The following GPHN variants were observed in gnomAD, a reference collection of about 807,000 sequenced individuals.
GPHN encodes gephyrin.
Under a neutral mutation model 95.5 loss-of-function variants are expected in GPHN, and 17 were observed. That is an observed-to-expected ratio of 0.18 (90% CI 0.12 to 0.27). The LOEUF (loss-of-function observed/expected upper bound fraction) is 0.27, where lower values mean the gene tolerates loss of function less well. GPHN is among the 10% of genes least tolerant of loss of function. The pLI is 1.00. For synonymous variants in GPHN, 320 were observed against 322.5 expected, an observed-to-expected ratio of 0.99 and a Z score of 0.08; for missense variants, 660 against 978.1, an observed-to-expected ratio of 0.67 and a Z score of 4.34.
chr14:67,624,773 CTT>C, the GPHN span, among the ~76,000 whole-genome samples: 1 of 152,212 alleles, frequency 6.6e-6, no homozygotes, highest in East Asian at 1.9e-4. Flanking sequence ...TCAGAATCAG[CTT>C]TTTCAGAACT....
chr14:66,785,911 G>A (rs1015204366), intron 3 of GPHN, among the ~76,000 whole-genome samples: 1 of 152,022 alleles, frequency 6.6e-6, no homozygotes, highest in Non-Finnish European at 1.5e-5. Flanking sequence ...GCAGGGCTGA[G>A]AGGAAAAATT....
In GPHN at chr14:66,673,124, G is replaced by C. The variant is rs1435497488; in HGVS notation, c.65-7983G>C. Among the ~76,000 whole-genome samples the C allele has an allele frequency of 2.6e-5, 4 of 151,898 alleles. No individual in the cohort carries two copies. The East Asian group carries it at 7.7e-4, about 29-fold the overall frequency. ...TATTATTTTTTTGAGACAGAGTCTG[G>C]CTCTGTCTCCCGGGCTGGAGTACAG... is the stretch of plus-strand genomic sequence containing the variant. On this transcript the variant is annotated intron_variant, in intron 1 of 22. Coordinates refer to ENST00000478722, the MANE Select transcript of GPHN (RefSeq NM_020806.5).
intron 1 of GPHN, among the ~76,000 whole-genome samples, chr14:66,635,413 C>G (rs2064042906): frequency 6.6e-6 from 1 of 152,060 alleles, no homozygotes; most frequent in Non-Finnish European, 1.5e-5. Flanking sequence ...TACTTTGAAA[C>G]TTTGAAAGAT....
At chr14:67,199,552 G>A in the GPHN span, 1 of 1,605,006 alleles carries the variant, frequency 6.2e-7, no homozygotes, top group Admixed American at 1.7e-5. Context: ...CCATGAATGG[G>A]CAGTACCTCT....
At chr14:67,722,321 G>A in the GPHN span, 1 of 449,552 alleles carries the variant, frequency 2.2e-6, no homozygotes, top group Non-Finnish European at 4.1e-6. Context: ...AGAAACAATT[G>A]AGGATGGGGG....
chr14:66,625,246 A>G (rs1364344347), intron 1 of GPHN, among the ~76,000 whole-genome samples: 1 of 151,842 alleles, frequency 6.6e-6, no homozygotes, highest in Non-Finnish European at 1.5e-5. Flanking sequence ...ACCTAATTTT[A>G]TAATTTTTTT....
intron 1 of GPHN, among the ~76,000 whole-genome samples, chr14:66,516,649 C>T (rs973457145): frequency 6.6e-6 from 1 of 152,058 alleles, no homozygotes; most frequent in African/African-American, 2.4e-5. Flanking sequence ...ATGTGTCTGC[C>T]TGATGCTGTA....
chr14:67,174,918 T>A (rs2140135863), intron 21 of GPHN, among the ~76,000 whole-genome samples: 1 of 152,354 alleles, frequency 6.6e-6, no homozygotes, highest in Middle Eastern at 3.4e-3. Context: ...GCCCACTTTT[T>A]GATGGGGTTG....
At chr14:67,301,921 C>A in the GPHN span, 1 of 1,544,666 alleles carries the variant, frequency 6.5e-7, no homozygotes, top group East Asian at 2.3e-5. Context: ...AATCACTCTG[C>A]AGAAATAAAT....
the GPHN span, among the ~76,000 whole-genome samples, chr14:67,509,814 C>T: frequency 6.6e-6 from 1 of 152,064 alleles, no homozygotes; most frequent in South Asian, 2.1e-4. Flanking sequence ...TGAGACCAGC[C>T]TGTGCAACAT....
chr14:66,662,394 G>T (rs2065713986), intron 1 of GPHN, among the ~76,000 whole-genome samples: 1 of 152,018 alleles, frequency 6.6e-6, no homozygotes, highest in Non-Finnish European at 1.5e-5. Flanking sequence ...GGCGACTAGG[G>T]ACTAGAGCAG....
At chr14:66,948,292 TAAA>T (rs566540021) in intron 8 of GPHN, among the ~76,000 whole-genome samples, 2 of 150,928 alleles carry the variant, frequency 1.3e-5, no homozygotes, top group African/African-American at 4.9e-5. Context: ...ATATTCCTTG[TAAA>T]AAAAAACAAG....
At chr14:66,891,145 T>C (rs1206926454) in intron 5 of GPHN, among the ~76,000 whole-genome samples, 2 of 145,178 alleles carry the variant, frequency 1.4e-5, no homozygotes, top group Non-Finnish European at 3.1e-5. Context: ...AAACCTATCT[T>C]TTTTTTTTTG....
chr14:67,416,099 C>T, the GPHN span, among the ~76,000 whole-genome samples: 3 of 152,324 alleles, frequency 2.0e-5, no homozygotes, highest in South Asian at 4.1e-4. Context: ...TGTAACAAAC[C>T]TGCACATCCC....
At chr14:67,045,165 A>G (rs999907894) in intron 10 of GPHN, among the ~76,000 whole-genome samples, 1 of 152,150 alleles carries the variant, frequency 6.6e-6, no homozygotes, top group Non-Finnish European at 1.5e-5. Context: ...GATTTTCCCA[A>G]TCTGTATTTC....
the GPHN span, among the ~76,000 whole-genome samples, chr14:67,227,898 G>A: frequency 2.6e-5 from 4 of 152,188 alleles, no homozygotes; most frequent in East Asian, 3.9e-4. Context: ...GGCCGGGTGC[G>A]GTGGCTCACG....
chr14:66,641,484 G>A (rs1284793749), intron 1 of GPHN, among the ~76,000 whole-genome samples: 1 of 152,118 alleles, frequency 6.6e-6, no homozygotes, highest in African/African-American at 2.4e-5. Context: ...AAGGGTAATT[G>A]TATCAGGAAG....
At chr14:67,053,284 C>T (rs1184981006) in intron 10 of GPHN, among the ~76,000 whole-genome samples, 2 of 149,760 alleles carry the variant, frequency 1.3e-5, no homozygotes, top group Non-Finnish European at 3.0e-5. Flanking sequence ...AAGGGGATAT[C>T]ACCACTGACC....
intron 4 of GPHN, among the ~76,000 whole-genome samples, chr14:66,833,702 T>G (rs1208771190): frequency 1.3e-5 from 2 of 151,838 alleles, no homozygotes; most frequent in African/African-American, 4.8e-5. Flanking sequence ...TCTGCAAACC[T>G]AGTAACTATC....
Sources: gnomAD v4.1 joint callset for allele counts (sites outside exome capture counted in the v4.1 genomes callset) on GRCh38, gnomAD v4.1.1 for gene constraint, MANE v1.5 for transcripts, NCBI Gene and HGNC (gene_info 2026-07-23, HGNC 2026-07-21) for gene names.